The following BCL11B variants were observed in gnomAD, a reference collection of about 807,000 sequenced individuals.
The protein encoded by BCL11B is B-cell lymphoma/leukemia 11B.
Under a neutral mutation model 49.9 loss-of-function variants are expected in BCL11B, and 8 were observed. The ratio of observed to expected loss-of-function variants is 0.16; its 90% CI spans 0.09 to 0.29. The LOEUF (loss-of-function observed/expected upper bound fraction) is 0.29. BCL11B is among the 10% of genes least tolerant of loss of function. The pLI is 1.00. For synonymous variants in BCL11B, 739 were observed against 637.4 expected, an observed-to-expected ratio of 1.16 and a Z score of -2.40; for missense variants, 1,006 against 1,351.0, an observed-to-expected ratio of 0.74 and a Z score of 4.00.
Position 99,213,286 on chromosome 14 carries a change from G to A in BCL11B, c.640+18059C>T, listed in dbSNP as rs184716560. Among the ~76,000 whole-genome samples, 508 of 152,286 alleles carry A rather than the reference G, an allele frequency of 3.3e-3. 4 individuals are homozygous for A. Among genetic ancestry groups the A allele is most frequent in the African/African-American group, 0.011 (461 of 41,560 alleles). On this transcript the variant is annotated intron_variant, in intron 3 of 3. Coordinates refer to ENST00000357195, the MANE Select transcript of BCL11B (RefSeq NM_138576.4). The surrounding 1 kb of genome is among the most constrained non-coding windows in gnomAD (Gnocchi z 5.1). Reference sequence around the variant, plus strand: ...CAGCACAAAAGAGGATGAAGGCCCCGAGCTGCTCCCTCTCAAGTGCAGCAG... The same window carrying A: ...CAGCACAAAAGAGGATGAAGGCCCCAAGCTGCTCCCTCTCAAGTGCAGCAG...
In BCL11B at chr14:99,257,923, C is replaced by A. The variant is rs1889221188; in HGVS notation, c.59-84G>T. The A allele has an allele frequency of 2.2e-6, 3 of 1,395,166 alleles. No individual in the cohort carries two copies. Among genetic ancestry groups the A allele is most frequent in the African/African-American group, 2.9e-5 (2 of 69,590 alleles). The allele number at this position is 1,395,166 out of a possible 1,614,324, so 86.4% of individuals were successfully genotyped here. ...CACAGCACCCAACTTCCGGTCCACC[C>A]CTTCCCCGCCAAGAAGCAGCCCCCT... On this transcript the variant is annotated intron_variant, in intron 1 of 3. Coordinates refer to ENST00000357195, the MANE Select transcript of BCL11B (RefSeq NM_138576.4). The surrounding 1 kb of genome is among the most constrained non-coding windows in gnomAD (Gnocchi z 6.2).
At chr14:99,200,468 A>G (rs1158779897) in intron 3 of BCL11B, among the ~76,000 whole-genome samples, 3 of 152,258 alleles carry the variant, frequency 2.0e-5, no homozygotes, top group Non-Finnish European at 4.4e-5. Context: ...CTGTAGGGCA[A>G]GGCATCTGCT....
intron 3 of BCL11B, among the ~76,000 whole-genome samples, chr14:99,216,215 G>A (rs987064523): frequency 6.6e-6 from 1 of 152,176 alleles, no homozygotes; most frequent in Non-Finnish European, 1.5e-5. Context: ...CGTAAAATGG[G>A]GATGTGAAAA....
In BCL11B at chr14:99,174,899, CCCGCGT is replaced by C; in HGVS notation, c.1931_1936del (p.Asp644_Ala645del). On this transcript the variant is annotated inframe_deletion, in exon 4 of 4. Coordinates refer to ENST00000357195, the MANE Select transcript of BCL11B (RefSeq NM_138576.4). ...GCGCCCGTTGACCGCGCCGCCCGCG[CCCGCGT>C]CCCCGCAGCCGCCCGCGTCGTCGTC... is the stretch of plus-strand genomic sequence containing the variant. 1 of 1,080,230 alleles carries C rather than the reference CCCGCGT, an allele frequency of 9.3e-7. No individual in the cohort carries two copies. The highest frequency in any genetic ancestry group is 1.1e-6 in the Non-Finnish European group (1 of 889,900). 66.9% of individuals were successfully genotyped at this position (1,080,230 alleles called of 1,614,324 possible).
intron 3 of BCL11B, among the ~76,000 whole-genome samples, chr14:99,202,650 G>C (rs543559774): frequency 9.8e-5 from 15 of 152,324 alleles, no homozygotes; most frequent in African/African-American, 3.4e-4. Context: ...CCTGGGGAGA[G>C]AGCAGAGGCC....
At chr14:99,203,616 C>A (rs1387661313) in intron 3 of BCL11B, among the ~76,000 whole-genome samples, 1 of 152,190 alleles carries the variant, frequency 6.6e-6, no homozygotes, top group Non-Finnish European at 1.5e-5. Flanking sequence ...TCCCTACTCA[C>A]AAGGAGTTCA....
chr14:99,238,585 G>A (rs984904518), intron 2 of BCL11B, among the ~76,000 whole-genome samples: 2 of 152,178 alleles, frequency 1.3e-5, no homozygotes, highest in East Asian at 1.9e-4. Flanking sequence ...TGTGAACCAC[G>A]GAGGTGGAGG....
chr14:99,221,921 C>T (rs939759027), intron 3 of BCL11B, among the ~76,000 whole-genome samples: 1 of 152,188 alleles, frequency 6.6e-6, no homozygotes, highest in Admixed American at 6.5e-5. Flanking sequence ...TGAAGGAAGA[C>T]CTGGGGGATC....
rs969289454 is a variant in BCL11B, at chr14:99,232,203, A to T, written c.428-646T>A. 2.0e-5 allele frequency among the ~76,000 whole-genome samples: 3 copies of T among 152,034 alleles called. No homozygotes were observed. The highest frequency in any genetic ancestry group is 7.2e-5 in the African/African-American group (3 of 41,422). Reference sequence around the variant, plus strand: ...TTTCACACCCCCCTACCACACCCCAAGAAAACCCTGGCGCTGCTCACCCCC... The same window carrying T: ...TTTCACACCCCCCTACCACACCCCATGAAAACCCTGGCGCTGCTCACCCCC... On this transcript the variant is annotated intron_variant, in intron 2 of 3. Transcript: ENST00000357195. The surrounding 1 kb of genome is among the most constrained non-coding windows in gnomAD (Gnocchi z 5.1).
chr14:99,200,937 C>A (rs1831535037), intron 3 of BCL11B, among the ~76,000 whole-genome samples: 1 of 152,170 alleles, frequency 6.6e-6, no homozygotes, highest in Non-Finnish European at 1.5e-5. Flanking sequence ...CAGGGGAAGT[C>A]CAGCCTCCGT....
chr14:99,172,076 A>T lies in BCL11B; in HGVS notation c.*2075T>A. On this transcript the variant is annotated 3_prime_UTR_variant, in exon 4 of 4. Transcript: ENST00000357195. ...GATCGCTCCAACACACATACACACA[A>T]TTTTTTTTTTACCCTTGTATGTACC... 1 of 210,850 alleles carries T rather than the reference A, an allele frequency of 4.7e-6. No homozygotes were observed. Among genetic ancestry groups the T allele is most frequent in the East Asian group, 7.2e-5 (1 of 13,816 alleles). The allele number at this position is 210,850 out of a possible 1,614,324, so 13.1% of individuals were successfully genotyped here. A position where few individuals can be genotyped will look rare whatever the true frequency, so the allele number is the denominator to read the frequency against.
chr14:99,234,589 C>T (rs927782966), intron 2 of BCL11B, among the ~76,000 whole-genome samples: 2 of 152,098 alleles, frequency 1.3e-5, no homozygotes, highest in African/African-American at 4.8e-5. Context: ...AGGTGAGTCA[C>T]TTTCTCAGAG....
At chr14:99,270,582 G>A (rs1242307711) in intron 1 of BCL11B, among the ~76,000 whole-genome samples, 1 of 151,998 alleles carries the variant, frequency 6.6e-6, no homozygotes, top group Admixed American at 6.5e-5. Flanking sequence ...CGGAATCCTA[G>A]GACTGGCGCG....
intron 3 of BCL11B, among the ~76,000 whole-genome samples, chr14:99,220,109 A>G (rs1887964656): frequency 6.6e-6 from 1 of 152,240 alleles, no homozygotes; most frequent in Non-Finnish European, 1.5e-5. Flanking sequence ...TCAGATAAGG[A>G]TGCGGAGAAA....
At position 99,192,529 on chromosome 14, in the gene BCL11B, C is replaced by A. The variant is rs537959560; in HGVS notation, c.641-16334G>T. Among the ~76,000 whole-genome samples, 12 of 152,328 alleles carry A rather than the reference C, an allele frequency of 7.9e-5. No individual in the cohort carries two copies. In the South Asian group the frequency reaches 2.5e-3, roughly 32 times the overall value. ...GCTACCTTTCACCTCGTCCTCGCCA[C>A]ACACACCCAGGCCCAGCCCCGCTGC... On this transcript the variant is annotated intron_variant, in intron 3 of 3. Coordinates refer to ENST00000357195, the MANE Select transcript of BCL11B (RefSeq NM_138576.4). This position sits in a 1 kb window ranked among gnomAD's most constrained non-coding sequence, Gnocchi z 4.0.
chr14:99,240,920 C>G (rs1307508754), intron 2 of BCL11B, among the ~76,000 whole-genome samples: 1 of 152,188 alleles, frequency 6.6e-6, no homozygotes, highest in African/African-American at 2.4e-5. Flanking sequence ...TTAAAGAAAC[C>G]GGCAGCGCAG....
chr14:99,180,565 C>G (rs1367545206), intron 3 of BCL11B, among the ~76,000 whole-genome samples: 2 of 152,182 alleles, frequency 1.3e-5, no homozygotes, highest in Admixed American at 6.5e-5. Flanking sequence ...TTCATTTAAC[C>G]TCTCTGAGGC....
rs973026878 is a variant in BCL11B at position 99,171,744 on chromosome 14, C to A, written c.*2407G>T. On this transcript the variant is annotated 3_prime_UTR_variant, in exon 4 of 4. Coordinates refer to ENST00000357195, the MANE Select transcript of BCL11B (RefSeq NM_138576.4). ...CATTTTTTTTGAAATAAAAATTCAA[C>A]ACCCAAGGCAGAAAAAAATTTACTA... 4 of 209,482 alleles carry A rather than the reference C, an allele frequency of 1.9e-5. No homozygotes were observed. Among genetic ancestry groups the A allele is most frequent in the Non-Finnish European group, 3.9e-5 (4 of 103,056 alleles). The allele number at this position is 209,482 out of a possible 1,614,324, so 13.0% of individuals were successfully genotyped here. A position where few individuals can be genotyped will look rare whatever the true frequency, so the allele number is the denominator to read the frequency against.
At chr14:99,182,571 A>C (rs1436019274) in intron 3 of BCL11B, among the ~76,000 whole-genome samples, 1 of 152,164 alleles carries the variant, frequency 6.6e-6, no homozygotes, top group Admixed American at 6.5e-5. Flanking sequence ...TCATGGCAAA[A>C]ATAATAGATG....
Sources: allele counts gnomAD v4.1 joint callset (sites outside exome capture counted in the v4.1 genomes callset), GRCh38; gene constraint gnomAD v4.1.1; non-coding constraint Gnocchi (gnomAD v3.1); transcripts MANE v1.5; gene names NCBI Gene and HGNC (gene_info 2026-07-23, HGNC 2026-07-21).